Variants in DERL1 observed in about 807,000 individuals in gnomAD.
The protein encoded by DERL1 is derlin-1.
In DERL1, 24 loss-of-function variants were observed where a neutral mutation model predicts 41.6. The ratio of observed to expected loss-of-function variants is 0.58; its 90% CI spans 0.42 to 0.81. The LOEUF is 0.81. Among genes scored for constraint, DERL1 ranks in the 30% least tolerant of loss-of-function variants. The pLI is 0.00. For missense variants in DERL1, 260 were observed against 314.3 expected (o/e 0.83, Z 1.31); for synonymous variants, 124 against 112.5 (o/e 1.10, Z -0.65).
chr8:123,039,987 G>A (rs1436401999), intron 1 of DERL1, among the ~76,000 whole-genome samples: 2 of 152,238 alleles, frequency 1.3e-5, no homozygotes, highest in Non-Finnish European at 2.9e-5. Flanking sequence ...GGAGGCTGAG[G>A]CGGGTGGATC....
At chr8:123,022,613 T>C in intron 5 of DERL1, 71 bp downstream of exon 5, 1 of 1,464,116 alleles carries the variant, frequency 6.8e-7, no homozygotes, top group Non-Finnish European at 9.6e-7. Context: ...AGTCAGAAAG[T>C]ACATCTCTGG....
Position 123,021,630 on chromosome 8 carries a change from A to C in DERL1, c.454-131T>G, listed in dbSNP as rs1812548970. On this transcript the variant is annotated intron_variant, in intron 5 of 7. Transcript: ENST00000259512. Reference sequence around the variant, plus strand: ...AAATCCTCTGGAAGGTCACTGCAAAATTTCTAGGATCAATCTAGCATTATT... The same window carrying C: ...AAATCCTCTGGAAGGTCACTGCAAACTTTCTAGGATCAATCTAGCATTATT... The C allele has an allele frequency of 3.9e-6, 3 of 769,568 alleles. No individual in the cohort carries two copies. The South Asian group carries it at 4.7e-5, about 12-fold the overall frequency. 47.7% of individuals were successfully genotyped at this position (769,568 alleles called of 1,614,324 possible).
chr8:123,035,118 T>C (rs1812897458), intron 1 of DERL1, among the ~76,000 whole-genome samples: 1 of 152,252 alleles, frequency 6.6e-6, no homozygotes, highest in Admixed American at 6.5e-5. Flanking sequence ...TGTTTTTGTC[T>C]GACTACATTT....
intron 3 of DERL1, among the ~76,000 whole-genome samples, chr8:123,024,669 C>A (rs935852593): frequency 2.0e-5 from 3 of 152,106 alleles, no homozygotes; most frequent in Admixed American, 1.3e-4. Context: ...TGTCTCATGG[C>A]ACGGACTCTC....
intron 1 of DERL1, among the ~76,000 whole-genome samples, chr8:123,037,573 G>T (rs1360305143): frequency 2.0e-5 from 3 of 152,166 alleles, no homozygotes; most frequent in Non-Finnish European, 4.4e-5. Flanking sequence ...AAATCTAACA[G>T]CCTTTCTACT....
chr8:123,023,433 T>C (rs1440906821), intron 4 of DERL1, among the ~76,000 whole-genome samples: 10 of 152,138 alleles, frequency 6.6e-5, no homozygotes, highest in African/African-American at 2.4e-4. Context: ...CGTGCATCTA[T>C]AATCCCAGCT....
intron 1 of DERL1, among the ~76,000 whole-genome samples, chr8:123,041,035 C>A (rs1056750354): frequency 6.6e-6 from 1 of 152,136 alleles, no homozygotes; most frequent in Non-Finnish European, 1.5e-5. Context: ...AGCCCTGAGG[C>A]TGAATGAATG....
rs202136246 is a variant in DERL1 at position 123,015,589 on chromosome 8, G to A, written c.618-4C>T. 114 of 1,606,212 alleles carry A rather than the reference G, an allele frequency of 7.1e-5. No homozygotes were observed. In the East Asian group the frequency reaches 1.4e-3, roughly 20 times the overall value. ...CCTACTGGGCAGCCAGCGGTACCTG[G>A]TGCAGAAAGACGGGGACACAAACGG... On this transcript the variant is annotated splice_polypyrimidine_tract_variant and splice_region_variant and intron_variant, in intron 7 of 7. Transcript: ENST00000259512.
intron 7 of DERL1, chr8:123,017,241 A>C (rs1214615770): frequency 6.6e-6 from 1 of 152,196 alleles, no homozygotes; most frequent in Non-Finnish European, 1.5e-5. Flanking sequence ...CATTTAGAAA[A>C]GCAGTTATAC....
At chr8:123,021,625 G>T (rs777693931) in intron 5 of DERL1, 126 bp from the exon 6 acceptor site, 110 of 813,702 alleles carry the variant, frequency 1.4e-4, no homozygotes, top group Non-Finnish European at 2.1e-4. Flanking sequence ...GAAGGTCACT[G>T]CAAAATTTCT....
At position 123,042,268 on chromosome 8, in the gene DERL1, G is replaced by C. The variant is rs921768411; in HGVS notation, c.-146C>G. On this transcript the variant is annotated 5_prime_UTR_variant, in exon 1 of 8. Coordinates refer to ENST00000259512, the MANE Select transcript of DERL1 (RefSeq NM_024295.6). ...CAGAAGGCGGAGACGGGCGGACGTG[G>C]CGCCACCGAATTCGGACCAGCGAGG... 5.3e-6 allele frequency: 6 copies of C among 1,134,386 alleles called. No homozygotes were observed. In the African/African-American group the frequency reaches 6.4e-5, roughly 12 times the overall value. The allele number at this position is 1,134,386 out of a possible 1,614,324, so 70.3% of individuals were successfully genotyped here.
chr8:123,038,283 G>C (rs1192799326), intron 1 of DERL1, among the ~76,000 whole-genome samples: 1 of 152,150 alleles, frequency 6.6e-6, no homozygotes, highest in Non-Finnish European at 1.5e-5. Context: ...AAAGCACACC[G>C]CACACTGTCC....
At chr8:123,022,657 G>A (rs1478235993) in intron 5 of DERL1, 27 bp downstream of exon 5, 2 of 1,601,366 alleles carry the variant, frequency 1.2e-6, no homozygotes, top group Non-Finnish European at 8.6e-7. Flanking sequence ...AAATGAAAAG[G>A]ACACTTTTCC....
chr8:123,030,412 C>T, intron 2 of DERL1, 193 bp downstream of exon 2: 1 of 475,468 alleles, frequency 2.1e-6, no homozygotes. Flanking sequence ...CTACTTATAC[C>T]TCAGGATGTT....
chr8:123,033,940 G>T (rs1465905886), intron 1 of DERL1, among the ~76,000 whole-genome samples: 1 of 152,190 alleles, frequency 6.6e-6, no homozygotes, highest in African/African-American at 2.4e-5. Flanking sequence ...TGGTGTGAGA[G>T]ATATGTGTCT....
intron 1 of DERL1, among the ~76,000 whole-genome samples, chr8:123,038,832 A>G (rs1173529983): frequency 6.6e-6 from 1 of 152,220 alleles, no homozygotes; most frequent in Non-Finnish European, 1.5e-5. Context: ...AACACAGAAC[A>G]GTATGCAATT....
rs561318550 is a variant in DERL1, at chr8:123,022,843, C to T, written c.358-64G>A. 9.0e-5 allele frequency: 125 copies of T among 1,387,578 alleles called. No individual in the cohort carries two copies. In the African/African-American group the frequency reaches 1.7e-3, roughly 19 times the overall value. The allele number at this position is 1,387,578 out of a possible 1,614,324, so 86.0% of individuals were successfully genotyped here. A position where few individuals can be genotyped will look rare whatever the true frequency, so the allele number is the denominator to read the frequency against. The stretch of plus-strand genomic sequence containing the variant: ...GGCACTTAAAAAAGGTGTACATCTA[C>T]TATGCTTTTTACCCCTCCTCTTCAC... On this transcript the variant is annotated intron_variant, in intron 4 of 7. Transcript: ENST00000259512.
intron 1 of DERL1, among the ~76,000 whole-genome samples, chr8:123,037,923 C>A (rs77335291): frequency 0.024 from 3,684 of 152,228 alleles, 140 homozygotes; most frequent in African/African-American, 0.081. Flanking sequence ...CAGGAATTGC[C>A]ACCTCTTGTG....
At chr8:123,031,766 T>C (rs985274446) in intron 1 of DERL1, among the ~76,000 whole-genome samples, 14 of 152,314 alleles carry the variant, frequency 9.2e-5, no homozygotes, top group Admixed American at 7.2e-4. Context: ...ATTGGCTTCA[T>C]AGTATTCCTT....
Sources: allele counts gnomAD v4.1 joint callset (sites outside exome capture counted in the v4.1 genomes callset), GRCh38; gene constraint gnomAD v4.1.1; transcripts MANE v1.5; gene names NCBI Gene and HGNC (gene_info 2026-07-23, HGNC 2026-07-21).